Variants in ARSB observed in about 807,000 individuals in gnomAD.
The protein encoded by ARSB is arylsulfatase B.
In ARSB, 41 loss-of-function variants were observed where a neutral mutation model predicts 50.9. The ratio of observed to expected loss-of-function variants is 0.81; its 90% CI spans 0.63 to 1.04. The LOEUF (loss-of-function observed/expected upper bound fraction) is 1.04, where lower values mean the gene tolerates loss of function less well. ARSB is among the 50% of genes least tolerant of loss of function. The pLI is 0.00. For missense variants in ARSB, 672 were observed against 693.3 expected, an observed-to-expected ratio of 0.97 and a Z score of 0.35; for synonymous variants, 269 against 284.8, an observed-to-expected ratio of 0.94 and a Z score of 0.56.
At chr5:78,800,322 A>T (rs960675242) in intron 6 of ARSB, among the ~76,000 whole-genome samples, 15 of 129,356 alleles carry the variant, frequency 1.2e-4, no homozygotes, top group Non-Finnish European at 1.9e-4. Flanking sequence ...CATCTCAATT[A>T]AAAAAAAAAA....
intron 4 of ARSB, among the ~76,000 whole-genome samples, chr5:78,934,487 C>T (rs1214577514): frequency 6.6e-6 from 1 of 151,940 alleles, no homozygotes; most frequent in Non-Finnish European, 1.5e-5. Flanking sequence ...TACTTAAGAA[C>T]TTTCAGAGTT....
chr5:78,947,020 C>A (rs1211686963), intron 4 of ARSB, among the ~76,000 whole-genome samples: 6 of 152,110 alleles, frequency 3.9e-5, no homozygotes, highest in Admixed American at 1.3e-4. Context: ...CAAGAACAGA[C>A]ACTGGAGAAA....
At chr5:78,979,316 G>C (rs1752797803) in intron 1 of ARSB, among the ~76,000 whole-genome samples, 1 of 152,188 alleles carries the variant, frequency 6.6e-6, no homozygotes, top group Non-Finnish European at 1.5e-5. Context: ...TGACTTGAAG[G>C]CTATAATCAA....
chr5:78,941,095 T>C (rs1406705549), intron 4 of ARSB, among the ~76,000 whole-genome samples: 1 of 149,828 alleles, frequency 6.7e-6, no homozygotes, highest in Non-Finnish European at 1.5e-5. Flanking sequence ...TGTCTGTTAT[T>C]GGTGTATAAG....
chr5:78,937,818 C>A (rs1750706355), intron 4 of ARSB, among the ~76,000 whole-genome samples: 1 of 152,076 alleles, frequency 6.6e-6, no homozygotes, highest in Non-Finnish European at 1.5e-5. Flanking sequence ...TCTAGGTTCA[C>A]TCCTCTCCAC....
chr5:78,826,829 C>T (rs1160024739), intron 6 of ARSB, among the ~76,000 whole-genome samples: 1 of 152,190 alleles, frequency 6.6e-6, no homozygotes, highest in Non-Finnish European at 1.5e-5. Flanking sequence ...TAACAGACTT[C>T]TACAAACATT....
intron 6 of ARSB, among the ~76,000 whole-genome samples, chr5:78,784,526 G>C (rs1338368148): frequency 6.6e-6 from 1 of 152,226 alleles, no homozygotes; most frequent in African/African-American, 2.4e-5. Flanking sequence ...TCTAGGCCTA[G>C]AGTTTTCTTT....
intron 4 of ARSB, among the ~76,000 whole-genome samples, chr5:78,955,081 C>T (rs1055875576): frequency 2.0e-5 from 3 of 152,188 alleles, no homozygotes; most frequent in African/African-American, 7.2e-5. Flanking sequence ...AAGCCACAGT[C>T]CCAGAATATT....
intron 6 of ARSB, among the ~76,000 whole-genome samples, chr5:78,815,272 C>G (rs1743947831): frequency 2.7e-5 from 4 of 150,802 alleles, no homozygotes; most frequent in Admixed American, 2.6e-4. Flanking sequence ...CTTCTCCACC[C>G]TTCCCTGTTG....
At position 78,964,396 on chromosome 5, in the gene ARSB, T is replaced by C; in HGVS notation, c.690+20A>G. On this transcript the variant is annotated intron_variant, in intron 3 of 7. Transcript: ENST00000264914. Reference sequence around the variant, plus strand: ...TAGTGTAACAAGATTTTGCTATCAGTAAATAGAAGCAAAACTTACCTTCTC... The same window carrying C: ...TAGTGTAACAAGATTTTGCTATCAGCAAATAGAAGCAAAACTTACCTTCTC... The C allele has an allele frequency of 6.2e-7, 1 of 1,610,978 alleles. No individual in the cohort carries two copies. Among genetic ancestry groups the C allele is most frequent in the Non-Finnish European group, 8.5e-7 (1 of 1,177,338 alleles).
At chr5:78,883,230 C>A (rs1369949115) in intron 5 of ARSB, 2 of 152,138 alleles carry the variant, frequency 1.3e-5, no homozygotes, top group African/African-American at 4.8e-5. Flanking sequence ...AAAAAGTCAT[C>A]GCATATGAAT....
At chr5:78,797,533 T>C (rs1015925398) in intron 6 of ARSB, among the ~76,000 whole-genome samples, 6 of 152,216 alleles carry the variant, frequency 3.9e-5, no homozygotes, top group Non-Finnish European at 5.9e-5. Context: ...CATAGGGATA[T>C]TGACATCCAT....
At chr5:78,964,856 G>GT (rs3839268) in intron 2 of ARSB, among the ~76,000 whole-genome samples, 132 of 149,886 alleles carry the variant, frequency 8.8e-4, no homozygotes, top group African/African-American at 2.2e-3. Context: ...AACACTAACA[G>GT]TTTTTTTTTT....
At chr5:78,892,565 T>C (rs1047716372) in intron 4 of ARSB, among the ~76,000 whole-genome samples, 1 of 152,184 alleles carries the variant, frequency 6.6e-6, no homozygotes, top group African/African-American at 2.4e-5. Flanking sequence ...CTGCATTCTC[T>C]ATTCTATAGG....
At position 78,972,516 on chromosome 5, in the gene ARSB, T is replaced by TACACACACACACACACACACACACAC. The variant is rs59035274; in HGVS notation, c.313-3350_313-3325dup. Among the ~76,000 whole-genome samples the TACACACACACACACACACACACACAC allele has an allele frequency of 2.9e-3, 422 of 145,644 alleles. 5 individuals are homozygous for TACACACACACACACACACACACACAC. Among genetic ancestry groups the TACACACACACACACACACACACACAC allele is most frequent in the African/African-American group, 0.011 (403 of 38,178 alleles). On this transcript the variant is annotated intron_variant, in intron 1 of 7. Coordinates refer to ENST00000264914, the MANE Select transcript of ARSB (RefSeq NM_000046.5). ...CTCTTAGCACATTTGCACGCATACG[T>TACACACACACACACACACACACACAC]ACACACACACACACACACACACACA...
chr5:78,953,339 G>A (rs1320656336), intron 4 of ARSB, among the ~76,000 whole-genome samples: 1 of 152,236 alleles, frequency 6.6e-6, no homozygotes, highest in Non-Finnish European at 1.5e-5. Flanking sequence ...GCCAGGCTCT[G>A]CCTGGCTGCA....
intron 6 of ARSB, among the ~76,000 whole-genome samples, chr5:78,791,913 T>C (rs1284108058): frequency 6.6e-6 from 1 of 152,082 alleles, no homozygotes; most frequent in Non-Finnish European, 1.5e-5. Flanking sequence ...GATGGCGCAG[T>C]GGTATGCCGT....
chr5:78,880,308 A>G (rs1172812447), intron 5 of ARSB, among the ~76,000 whole-genome samples: 1 of 152,230 alleles, frequency 6.6e-6, no homozygotes, highest in Non-Finnish European at 1.5e-5. Context: ...GACAAACATC[A>G]ATGATGTGAA....
intron 1 of ARSB, among the ~76,000 whole-genome samples, chr5:78,972,659 A>T (rs1752505401): frequency 6.6e-6 from 1 of 152,146 alleles, no homozygotes; most frequent in African/African-American, 2.4e-5. Context: ...ACCAGGCAGG[A>T]TAAGTAAAGA....
Sources: gnomAD v4.1 joint callset for allele counts (sites outside exome capture counted in the v4.1 genomes callset) on GRCh38, gnomAD v4.1.1 for gene constraint, MANE v1.5 for transcripts, NCBI Gene and HGNC (gene_info 2026-07-23, HGNC 2026-07-21) for gene names.